Variants in PGLYRP4 observed in about 807,000 individuals in gnomAD.
PGLYRP4 encodes peptidoglycan recognition protein 4.
Under a neutral mutation model 41.2 loss-of-function variants are expected in PGLYRP4, and 39 were observed. The ratio of observed to expected loss-of-function variants is 0.95; its 90% CI spans 0.73 to 1.24. PGLYRP4 has a LOEUF of 1.24. Ranked by LOEUF, PGLYRP4 falls within the 50% of genes most tolerant of loss-of-function variation. The pLI is 0.00. For synonymous variants in PGLYRP4, 202 were observed against 186.8 expected, an observed-to-expected ratio of 1.08 and a Z score of -0.66; for missense variants, 467 against 460.7, an observed-to-expected ratio of 1.01 and a Z score of -0.13.
chr1:153,348,274 G>A (rs1661100435), intron 1 of PGLYRP4, among the ~76,000 whole-genome samples: 1 of 152,188 alleles, frequency 6.6e-6, no homozygotes, highest in African/African-American at 2.4e-5. Flanking sequence ...ATGTAAGACT[G>A]TTAACCCCCA....
chr1:153,346,491 C>T (rs1381634464), intron 2 of PGLYRP4, among the ~76,000 whole-genome samples: 1 of 142,354 alleles, frequency 7.0e-6, no homozygotes, highest in African/African-American at 2.6e-5. Context: ...AAAAAAAAAA[C>T]TAGAAATGTA....
intron 3 of PGLYRP4, 81 bp from the exon 4 acceptor site, chr1:153,345,463 C>A: frequency 7.6e-7 from 1 of 1,311,270 alleles, no homozygotes; most frequent in South Asian, 1.2e-5. Flanking sequence ...TGGGCTGTGT[C>A]GGCCCCTTGG....
At chr1:153,336,285 C>T (rs1206938300) in intron 8 of PGLYRP4, among the ~76,000 whole-genome samples, 2 of 143,246 alleles carry the variant, frequency 1.4e-5, no homozygotes, top group African/African-American at 2.6e-5. Context: ...GCCAGAGAAT[C>T]GCTTGAACCC....
intron 7 of PGLYRP4, among the ~76,000 whole-genome samples, chr1:153,338,545 T>C (rs1660662444): frequency 1.3e-5 from 2 of 152,198 alleles, no homozygotes; most frequent in South Asian, 4.1e-4. Context: ...CCAGCTTAAG[T>C]TACAAAATCC....
intron 4 of PGLYRP4, 127 bp from the exon 5 acceptor site, chr1:153,343,335 A>G: frequency 1.5e-6 from 1 of 653,010 alleles, no homozygotes; most frequent in Non-Finnish European, 2.8e-6. Context: ...ATTTGCATGA[A>G]CTCTTCCCAG....
intron 8 of PGLYRP4, among the ~76,000 whole-genome samples, chr1:153,333,347 A>G: frequency 6.6e-6 from 1 of 152,226 alleles, no homozygotes; most frequent in Non-Finnish European, 1.5e-5. Context: ...CTGGAAACAT[A>G]CAACATCCCA....
intron 8 of PGLYRP4, among the ~76,000 whole-genome samples, chr1:153,335,000 C>G (rs756334046): frequency 6.6e-6 from 1 of 152,040 alleles, no homozygotes; most frequent in Non-Finnish European, 1.5e-5. Flanking sequence ...TGGATAGTCA[C>G]ATGCAGAAGA....
At position 153,341,644 on chromosome 1, in the gene PGLYRP4, T is replaced by C; in HGVS notation, c.608A>G (p.Lys203Arg). 6.2e-7 allele frequency: 1 copy of C among 1,612,918 alleles called. No homozygotes were observed. The highest frequency in any genetic ancestry group is 1.1e-5 in the South Asian group (1 of 91,022). Residue 203 changes from lysine (K) to arginine (R), a missense_variant, in exon 6 of 9, where the codon AAG becomes AGG. Lys to Arg is a conservative substitution (Grantham distance 26). Transcript: ENST00000359650. ...GGTCTTACCCTTCTTCAGGCTTGTCTTCTGCCGAGGGGCCAGGCAGTTCTC... is the reference window on the plus strand; with the variant it reads ...GGTCTTACCCTTCTTCAGGCTTGTCCTCTGCCGAGGGGCCAGGCAGTTCTC... ...KGENCLAPRQKTSLKKACPGV... is the reference protein window; with the variant it reads ...KGENCLAPRQRTSLKKACPGV...
chr1:153,341,199 C>A (rs147096571), intron 6 of PGLYRP4, among the ~76,000 whole-genome samples: 1 of 152,310 alleles, frequency 6.6e-6, no homozygotes, highest in Non-Finnish European at 1.5e-5. Flanking sequence ...TCCATTGTTT[C>A]CTCCCTTGCA....
At chr1:153,341,389 A>C (rs549055272) in intron 6 of PGLYRP4, among the ~76,000 whole-genome samples, 1 of 152,340 alleles carries the variant, frequency 6.6e-6, no homozygotes, top group East Asian at 1.9e-4. Context: ...GAGTGTGCAT[A>C]TATGACACCA....
chr1:153,345,477 T>G, intron 3 of PGLYRP4, 95 bp from the exon 4 acceptor site: 1 of 1,105,378 alleles, frequency 9.0e-7, no homozygotes, highest in Non-Finnish European at 1.4e-6. Flanking sequence ...CCCTTGGTAG[T>G]GGAAGAGCCT....
At position 153,340,672 on chromosome 1, in the gene PGLYRP4, A is replaced by T. The variant is rs1660762309; in HGVS notation, c.626-93T>A. 1.6e-5 allele frequency: 20 copies of T among 1,262,814 alleles called. 2 individuals are homozygous for T. In the South Asian group the frequency reaches 2.8e-4, roughly 18 times the overall value. The allele number at this position is 1,262,814 out of a possible 1,614,324, so 78.2% of individuals were successfully genotyped here. On this transcript the variant is annotated intron_variant, in intron 6 of 8. Transcript: ENST00000359650. ...GGCTGATATAATGCTCAGGACCCTC[A>T]ACTTCCCAAACCCCTCTGGGTCTCC...
intron 2 of PGLYRP4, among the ~76,000 whole-genome samples, chr1:153,346,696 C>T (rs1387429045): frequency 6.6e-6 from 1 of 152,182 alleles, no homozygotes; most frequent in African/African-American, 2.4e-5. Context: ...TTGATTGAGA[C>T]CCTTACCCAC....
At position 153,345,404 on chromosome 1, in the gene PGLYRP4, A is replaced by G. The variant is rs749108276; in HGVS notation, c.140-22T>C. On this transcript the variant is annotated intron_variant, in intron 3 of 8. Transcript: ENST00000359650. ...AGGCCTTGGGGACGTCACTCAGCGC[A>G]CCTGCCCCATCACTACCGCATTAGC... is the stretch of plus-strand genomic sequence containing the variant. 3.7e-6 allele frequency: 6 copies of G among 1,603,014 alleles called. No homozygotes were observed. The South Asian group carries it at 6.6e-5, about 18-fold the overall frequency.
At chr1:153,346,555 A>C (rs1021584036) in intron 2 of PGLYRP4, among the ~76,000 whole-genome samples, 1 of 152,062 alleles carries the variant, frequency 6.6e-6, no homozygotes, top group African/African-American at 2.4e-5. Flanking sequence ...TACCGAAGCA[A>C]TGGGGAAGCG....
In PGLYRP4 at chr1:153,340,452, C is replaced by T; in HGVS notation, c.753G>A (p.Glu251=). The T allele has an allele frequency of 1.2e-6, 2 of 1,614,202 alleles. No individual in the cohort carries two copies. Among genetic ancestry groups the T allele is most frequent in the Admixed American group, 1.7e-5 (1 of 60,026 alleles). The change falls in exon 7 of 9, where the codon GAG becomes GAA. Residue 251 remains glutamate, a synonymous_variant. Transcript: ENST00000359650. ...TAGRTCNISD[E]CRLLVRDIQS... ...GGATGTCCCGGACCAGCAGGCGGCA[C>T]TCATCAGAAATGTTGCAGGTCCTCC...
chr1:153,334,048 G>T (rs2101551335), intron 8 of PGLYRP4, among the ~76,000 whole-genome samples: 2 of 151,208 alleles, frequency 1.3e-5, no homozygotes, highest in African/African-American at 4.8e-5. Flanking sequence ...CAGTATTGAA[G>T]AAAACAATCA....
At chr1:153,336,144 G>A (rs1406317811) in intron 8 of PGLYRP4, among the ~76,000 whole-genome samples, 7 of 151,824 alleles carry the variant, frequency 4.6e-5, no homozygotes, top group East Asian at 1.9e-4. Context: ...AGGCCGAGAC[G>A]GGAGGATCAT....
Position 153,330,549 on chromosome 1 carries a change from G to A in PGLYRP4, c.*218C>T. 2.6e-6 allele frequency: 1 copy of A among 383,824 alleles called. No homozygotes were observed. Among genetic ancestry groups the A allele is most frequent in the Non-Finnish European group, 4.8e-6 (1 of 206,306 alleles). The allele number at this position is 383,824 out of a possible 1,614,324, so 23.8% of individuals were successfully genotyped here. A position where few individuals can be genotyped will look rare whatever the true frequency, so the allele number is the denominator to read the frequency against. ...GGAAGGTAAGGAGAGAAGAAATCTG[G>A]ACTCAGACTCAGAGGGCTGTGAATG... On this transcript the variant is annotated 3_prime_UTR_variant, in exon 9 of 9. Coordinates refer to ENST00000359650, the MANE Select transcript of PGLYRP4 (RefSeq NM_020393.4).
Sources: allele counts gnomAD v4.1 joint callset (sites outside exome capture counted in the v4.1 genomes callset), GRCh38; gene constraint gnomAD v4.1.1; transcripts MANE v1.5; gene names NCBI Gene and HGNC (gene_info 2026-07-23, HGNC 2026-07-21).